Variants in TBCK observed in about 807,000 individuals in gnomAD.
TBCK encodes the protein TBC domain-containing protein kinase-like protein.
In TBCK, 99 loss-of-function variants were observed where a neutral mutation model predicts 113.4. The ratio of observed to expected loss-of-function variants is 0.87; its 90% CI spans 0.74 to 1.03. The LOEUF is 1.03. Among genes scored for constraint, TBCK ranks in the 50% least tolerant of loss-of-function variants. The pLI is 0.00. For missense variants in TBCK, 1,045 were observed against 1,061.3 expected, an observed-to-expected ratio of 0.98 and a Z score of 0.21; for synonymous variants, 369 against 370.8, an observed-to-expected ratio of 1.00 and a Z score of 0.05.
chr4:106,146,166 T>C (rs959115295), intron 23 of TBCK, among the ~76,000 whole-genome samples: 2 of 152,082 alleles, frequency 1.3e-5, no homozygotes, highest in Non-Finnish European at 2.9e-5. Context: ...AATGACAGAC[T>C]GGATAAAGAA....
chr4:106,216,475 A>C (rs56048595), intron 19 of TBCK, among the ~76,000 whole-genome samples: 9 of 152,102 alleles, frequency 5.9e-5, no homozygotes, highest in Admixed American at 2.0e-4. Context: ...GCTAGCAAGA[A>C]TAATAAAGAA....
intron 18 of TBCK, 70 bp from the exon 19 acceptor site, chr4:106,230,516 C>T: frequency 1.3e-6 from 1 of 775,280 alleles, no homozygotes; most frequent in South Asian, 2.6e-5. Context: ...GTAATGCATT[C>T]ACTTAGCACA....
At chr4:106,105,302 T>C (rs964083347) in intron 24 of TBCK, among the ~76,000 whole-genome samples, 2 of 152,190 alleles carry the variant, frequency 1.3e-5, no homozygotes, top group African/African-American at 2.4e-5. Context: ...GAGTGATTGA[T>C]GACCTGCATC....
intron 25 of TBCK, among the ~76,000 whole-genome samples, chr4:106,063,037 A>G (rs1578783367): frequency 6.6e-6 from 1 of 151,962 alleles, no homozygotes; most frequent in African/African-American, 2.4e-5. Flanking sequence ...TTTCGAAGTA[A>G]TCTTTTATCA....
intron 23 of TBCK, among the ~76,000 whole-genome samples, chr4:106,140,551 G>C (rs939407261): frequency 7.1e-6 from 1 of 140,768 alleles, no homozygotes; most frequent in Non-Finnish European, 1.6e-5. Context: ...TCTCAAGAAA[G>C]AAAATTTAAG....
At chr4:106,255,401 ATGAG>A (rs1475043614) in intron 5 of TBCK, among the ~76,000 whole-genome samples, 8 of 152,262 alleles carry the variant, frequency 5.3e-5, no homozygotes, top group African/African-American at 1.9e-4. Context: ...CAAGGGGTGT[ATGAG>A]TGAGTGTGGG....
chr4:106,308,091 T>C (rs1202823785), intron 2 of TBCK, among the ~76,000 whole-genome samples: 2 of 152,144 alleles, frequency 1.3e-5, no homozygotes, highest in African/African-American at 2.4e-5. Flanking sequence ...TTCCTTCATA[T>C]AGATAAAGAA....
At chr4:106,212,140 C>T (rs1412688729) in intron 20 of TBCK, among the ~76,000 whole-genome samples, 1 of 151,996 alleles carries the variant, frequency 6.6e-6, no homozygotes, top group Admixed American at 6.6e-5. Context: ...AATTTATTTT[C>T]CTCTCCACTT....
intron 23 of TBCK, among the ~76,000 whole-genome samples, chr4:106,145,001 CAA>C (rs1479822795): frequency 8.7e-6 from 1 of 115,310 alleles, no homozygotes; most frequent in African/African-American, 3.4e-5. Flanking sequence ...GCCTGGGCAA[CAA>C]GAGTGAAACT....
chr4:106,266,449 A>AT (rs1484286202), intron 3 of TBCK, among the ~76,000 whole-genome samples: 6 of 151,766 alleles, frequency 4.0e-5, no homozygotes, highest in African/African-American at 1.4e-4. Context: ...CTTTAAAGTG[A>AT]TTTTCCCATT....
chr4:106,198,295 T>C (rs1445820915), intron 20 of TBCK, among the ~76,000 whole-genome samples: 1 of 152,130 alleles, frequency 6.6e-6, no homozygotes. Context: ...GTGGAAATAA[T>C]ATATGTGAAA....
In TBCK at chr4:106,194,772, G is replaced by C. The variant is rs528415950; in HGVS notation, c.1861-18C>G. 1 of 1,563,972 alleles carries C rather than the reference G, an allele frequency of 6.4e-7. No homozygotes were observed. The highest frequency in any genetic ancestry group is 1.4e-5 in the African/African-American group (1 of 70,950). ...GCATAGAGCTATGAGTGGAAAAAGG[G>C]GTACAGGGAATGGATAAAAAGGAAA... On this transcript the variant is annotated intron_variant, in intron 20 of 25. Transcript: ENST00000394708.
chr4:106,243,655 A>G (rs1760432092), intron 11 of TBCK, among the ~76,000 whole-genome samples: 1 of 147,758 alleles, frequency 6.8e-6, no homozygotes. Context: ...AGTTGCCTAC[A>G]ATAATCAAAA....
At chr4:106,112,189 C>A (rs1319912060) in intron 24 of TBCK, among the ~76,000 whole-genome samples, 1 of 152,180 alleles carries the variant, frequency 6.6e-6, no homozygotes, top group African/African-American at 2.4e-5. Context: ...ATTCAGGATG[C>A]AGATGATGCA....
At chr4:106,065,533 G>A (rs904330744) in intron 25 of TBCK, among the ~76,000 whole-genome samples, 1 of 152,000 alleles carries the variant, frequency 6.6e-6, no homozygotes. Context: ...ACCAATAGAT[G>A]CAGTCGACAT....
intron 23 of TBCK, among the ~76,000 whole-genome samples, chr4:106,156,762 G>A (rs375896518): frequency 1.3e-5 from 2 of 152,242 alleles, no homozygotes; most frequent in South Asian, 2.1e-4. Flanking sequence ...ACTCTTCAGT[G>A]TAGTTTCCCT....
Position 106,236,754 on chromosome 4 carries a change from C to A in TBCK, c.1220+5G>T. ...TAAATCTAAAATGAGACTACATATA[C>A]TCACTCATCTTCAAGTAATGGGTAA... On this transcript the variant is annotated splice_donor_5th_base_variant and intron_variant, in intron 13 of 25. Coordinates refer to ENST00000394708, the MANE Select transcript of TBCK (RefSeq NM_001163435.3). 1 of 1,474,224 alleles carries A rather than the reference C, an allele frequency of 6.8e-7. No homozygotes were observed. The highest frequency in any genetic ancestry group is 2.2e-5 in the Admixed American group (1 of 44,782). The allele number at this position is 1,474,224 out of a possible 1,614,324, so 91.3% of individuals were successfully genotyped here.
At chr4:106,069,046 C>T (rs13435415) in intron 25 of TBCK, among the ~76,000 whole-genome samples, 176 of 152,190 alleles carry the variant, frequency 1.2e-3, no homozygotes, top group African/African-American at 4.1e-3. Flanking sequence ...GGATATTAGC[C>T]CTTTGTCAGA....
chr4:106,055,626 C>T (rs1735299402), intron 25 of TBCK, among the ~76,000 whole-genome samples: 1 of 151,044 alleles, frequency 6.6e-6, no homozygotes, highest in Non-Finnish European at 1.5e-5. Context: ...TTTTCCTTTC[C>T]TTTCTCTTCT....
Sources: allele counts gnomAD v4.1 joint callset (sites outside exome capture counted in the v4.1 genomes callset), GRCh38; gene constraint gnomAD v4.1.1; transcripts MANE v1.5; gene names NCBI Gene and HGNC (gene_info 2026-07-23, HGNC 2026-07-21).